The following CCL17 variants were observed in gnomAD, a reference collection of about 807,000 sequenced individuals.
The protein encoded by CCL17 is C-C motif chemokine 17.
In CCL17, 8 loss-of-function variants were observed where a neutral mutation model predicts 7.4. That is an observed-to-expected ratio of 1.09 (90% CI 0.64 to 1.96). The LOEUF (loss-of-function observed/expected upper bound fraction) is 1.96. CCL17 is among the 30% of genes most tolerant of loss of function. The pLI is 0.00. For missense variants in CCL17, 102 were observed against 113.0 expected (o/e 0.90, Z 0.44); for synonymous variants, 40 against 46.1 (o/e 0.87, Z 0.54).
rs1230749992 is a variant in CCL17 at position 57,415,315 on chromosome 16, C to T, written c.188+117C>T. The T allele has an allele frequency of 1.4e-6, 1 of 725,190 alleles. No individual in the cohort carries two copies. The highest frequency in any genetic ancestry group is 2.5e-6 in the Non-Finnish European group (1 of 402,960). 44.9% of individuals were successfully genotyped at this position (725,190 alleles called of 1,614,324 possible). ...GAAGAGACAGCGGGGCCTTCCTCCC[C>T]AACCCCTGCAGGCTCCCCACACTGT... On this transcript the variant is annotated intron_variant, in intron 3 of 3. Transcript: ENST00000219244. This position sits in a 1 kb window ranked among gnomAD's most constrained non-coding sequence, Gnocchi z 4.5.
intron 1 of CCL17, among the ~76,000 whole-genome samples, chr16:57,411,757 C>G (rs2146539190): frequency 6.6e-6 from 1 of 152,348 alleles, no homozygotes; most frequent in South Asian, 2.1e-4. Flanking sequence ...GGTCCTGCAC[C>G]TCTGGGCTCA....
At chr16:57,399,333 G>T in the CCL17 span, among the ~76,000 whole-genome samples, 1 of 152,224 alleles carries the variant, frequency 6.6e-6, no homozygotes, top group Non-Finnish European at 1.5e-5. Context: ...AGTGTCAGGG[G>T]TAGGTAACCA....
At chr16:57,402,983 G>A (rs567203440), upstream of CCL17, among the ~76,000 whole-genome samples, 2 of 127,434 alleles carry the variant, frequency 1.6e-5, no homozygotes, top group African/African-American at 6.1e-5. Flanking sequence ...ATAAGTAAGC[G>A]AATGGCCTAG....
chr16:57,403,020 CA>C (rs532901212), upstream of CCL17, among the ~76,000 whole-genome samples: 18,334 of 56,670 alleles, frequency 0.32, 2,483 homozygotes, highest in African/African-American at 0.54. Context: ...AGCATTTCAG[CA>C]AAAAAAAAAA....
chr16:57,402,627 G>T (rs964692295), upstream of CCL17, among the ~76,000 whole-genome samples: 1 of 152,164 alleles, frequency 6.6e-6, no homozygotes, highest in Non-Finnish European at 1.5e-5. Context: ...AGGGACAGAT[G>T]TTCCTTGGAA....
At chr16:57,396,594 G>T in the CCL17 span, among the ~76,000 whole-genome samples, 2 of 152,116 alleles carry the variant, frequency 1.3e-5, no homozygotes, top group Non-Finnish European at 2.9e-5. Context: ...TGCTGCAGGG[G>T]GTCCAGGGGT....
the CCL17 span, among the ~76,000 whole-genome samples, chr16:57,397,562 C>T: frequency 7.2e-6 from 1 of 139,618 alleles, no homozygotes; most frequent in Non-Finnish European, 1.7e-5. Flanking sequence ...TTTTCTCCTT[C>T]ACCTTTTTGA....
At chr16:57,408,422 TA>T (rs1271471991) in intron 1 of CCL17, among the ~76,000 whole-genome samples, 1 of 132,768 alleles carries the variant, frequency 7.5e-6, no homozygotes, top group African/African-American at 4.0e-5. Context: ...AACATATATA[TA>T]TTTTTTGAGA....
Position 57,415,811 on chromosome 16 carries a change from A to C in CCL17, c.235A>C (p.Lys79Gln). The C allele has an allele frequency of 1.9e-6, 3 of 1,613,668 alleles. No individual in the cohort carries two copies. Among genetic ancestry groups the C allele is most frequent in the Non-Finnish European group, 2.5e-6 (3 of 1,179,554 alleles). The stretch of plus-strand genomic sequence containing the variant: ...GGCCATCTGTTCGGACCCCAACAAC[A>C]AGAGAGTGAAGAATGCAGTTAAATA... ...GRAICSDPNN[K>Q]RVKNAVKYLQ... is the part of the protein sequence containing the mutation. Residue 79 changes from lysine (K) to glutamine (Q), a missense_variant, in exon 4 of 4, where the codon AAG (lysine) becomes CAG (glutamine). Physicochemically the swap from Lys to Gln is moderately conservative, Grantham distance 53 (BLOSUM62 1). Transcript: ENST00000219244. The surrounding 1 kb of genome is among the most constrained non-coding windows in gnomAD (Gnocchi z 4.5).
upstream of CCL17, among the ~76,000 whole-genome samples, chr16:57,400,235 T>C (rs1159689732): frequency 6.6e-6 from 1 of 151,870 alleles, no homozygotes; most frequent in Non-Finnish European, 1.5e-5. Context: ...GGCGGGCGCC[T>C]GTAATCTCAG....
Position 57,413,986 on chromosome 16 carries a change from G to A in CCL17, c.54G>A (p.Leu18=). The A allele has an allele frequency of 6.2e-7, 1 of 1,611,782 alleles. No homozygotes were observed. Among genetic ancestry groups the A allele is most frequent in the Middle Eastern group, 1.7e-4 (1 of 5,964 alleles). The change falls in exon 2 of 4, where the codon CTG becomes CTA. Residue 18 remains leucine (L), a synonymous_variant. Coordinates refer to ENST00000219244, the MANE Select transcript of CCL17 (RefSeq NM_002987.3). Reference sequence around the variant, plus strand: ...TCACCCTCCTCCTGGGGGCTTCTCTGCAGCACATCCACGCAGGTGAGAGCA... The same window carrying A: ...TCACCCTCCTCCTGGGGGCTTCTCTACAGCACATCCACGCAGGTGAGAGCA... ...ALVTLLLGAS[L]QHIHAARGTN... is the part of the protein sequence containing the mutation.
chr16:57,397,188 C>T, the CCL17 span, among the ~76,000 whole-genome samples: 2 of 152,186 alleles, frequency 1.3e-5, no homozygotes, highest in East Asian at 1.9e-4. Flanking sequence ...TACGATGGGC[C>T]AAGGGATTAT....
intron 1 of CCL17, among the ~76,000 whole-genome samples, chr16:57,405,830 G>A (rs373975509): frequency 8.0e-5 from 12 of 150,756 alleles, no homozygotes; most frequent in African/African-American, 2.2e-4. Context: ...TCAGGAGATC[G>A]AGACCATCCT....
chr16:57,412,491 A>G (rs1377791652), intron 1 of CCL17, among the ~76,000 whole-genome samples: 2 of 152,250 alleles, frequency 1.3e-5, no homozygotes, highest in African/African-American at 4.8e-5. Flanking sequence ...AGAAACAAAA[A>G]TCTCATGACA....
intron 1 of CCL17, among the ~76,000 whole-genome samples, chr16:57,406,288 G>A (rs998203140): frequency 1.2e-4 from 19 of 152,102 alleles, no homozygotes; most frequent in Non-Finnish European, 2.2e-4. Flanking sequence ...ACCATGATTG[G>A]CTAATTTTCA....
In CCL17 at chr16:57,414,019, G is replaced by A. The variant is rs776541287; in HGVS notation, c.70+17G>A. The A allele has an allele frequency of 6.2e-7, 1 of 1,605,896 alleles. No individual in the cohort carries two copies. Among genetic ancestry groups the A allele is most frequent in the Non-Finnish European group, 8.5e-7 (1 of 1,175,576 alleles). Reference sequence around the variant, plus strand: ...TCCACGCAGGTGAGAGCAGGGGACAGGTGGCCAGGGGCAGGCACCGGGAGG... The same window carrying A: ...TCCACGCAGGTGAGAGCAGGGGACAAGTGGCCAGGGGCAGGCACCGGGAGG... On this transcript the variant is annotated intron_variant, in intron 2 of 3. Coordinates refer to ENST00000219244, the MANE Select transcript of CCL17 (RefSeq NM_002987.3).
intron 1 of CCL17, among the ~76,000 whole-genome samples, chr16:57,405,062 C>T (rs1457793728): frequency 3.9e-5 from 6 of 152,112 alleles, no homozygotes; most frequent in African/African-American, 1.4e-4. Context: ...GGAGATGAGA[C>T]TGAATAGGAA....
intron 2 of CCL17, among the ~76,000 whole-genome samples, chr16:57,414,380 A>G (rs1468102505): frequency 2.2e-5 from 3 of 139,110 alleles, no homozygotes; most frequent in Non-Finnish European, 4.7e-5. Context: ...AGATAGGAGA[A>G]TTGTTTCCAA....
upstream of CCL17, among the ~76,000 whole-genome samples, chr16:57,403,487 A>ATATTATATT (rs1452803723): frequency 6.5e-5 from 1 of 15,272 alleles, no homozygotes; most frequent in Non-Finnish European, 9.3e-5. Flanking sequence ...ATTATATAAT[A>ATATTATATT]ATATATATAT....
Sources: allele counts gnomAD v4.1 joint callset (sites outside exome capture counted in the v4.1 genomes callset), GRCh38; gene constraint gnomAD v4.1.1; non-coding constraint Gnocchi (gnomAD v3.1); transcripts MANE v1.5; gene names NCBI Gene and HGNC (gene_info 2026-07-23, HGNC 2026-07-21).